Variants in TENM1 observed in about 807,000 individuals in gnomAD.
TENM1 encodes the protein teneurin transmembrane protein 1, also known as teneurin-1.
In TENM1, 35 loss-of-function variants were observed where a neutral mutation model predicts 174.8. The ratio of observed to expected loss-of-function variants is 0.20; its 90% CI spans 0.15 to 0.27. TENM1 has a LOEUF of 0.27. Ranked by LOEUF, TENM1 falls within the 10% of genes least tolerant of loss-of-function variation. TENM1 has a pLI of 1.00. For synonymous variants in TENM1, 781 were observed against 798.7 expected (o/e 0.98, Z 0.37); for missense variants, 1,633 against 2,130.1 (o/e 0.77, Z 4.59).
At chrX:124,956,058 G>C (rs1390599143) in intron 1 of TENM1, among the ~76,000 whole-genome samples, 1 of 111,617 alleles carries the variant, frequency 9.0e-6, no homozygotes, top group Non-Finnish European at 1.9e-5. Context: ...TTAAATAACA[G>C]AATCCATTTA....
At chrX:124,835,544 A>C (rs1490577286) in intron 3 of TENM1, among the ~76,000 whole-genome samples, 2 of 111,787 alleles carry the variant, frequency 1.8e-5, no homozygotes, top group Non-Finnish European at 3.8e-5. Context: ...GTTAAAATAC[A>C]TTTCTGCTCT....
the TENM1 span, among the ~76,000 whole-genome samples, chrX:125,141,528 T>C: frequency 3.6e-5 from 4 of 111,481 alleles, no homozygotes; most frequent in Non-Finnish European, 7.5e-5. Context: ...TTTCATTTCT[T>C]AAAACCAACA....
the TENM1 span, among the ~76,000 whole-genome samples, chrX:125,029,889 T>C: frequency 2.7e-5 from 3 of 111,755 alleles, no homozygotes. Context: ...AGCTACCAAG[T>C]AGGGAAACTT....
intron 11 of TENM1, among the ~76,000 whole-genome samples, chrX:124,638,068 T>C (rs2050922183): frequency 8.9e-6 from 1 of 112,061 alleles, no homozygotes; most frequent in African/African-American, 3.3e-5. Context: ...TAATATTCTA[T>C]AGGGCTATCA....
At chrX:124,681,779 T>A (rs1602988173) in intron 5 of TENM1, among the ~76,000 whole-genome samples, 1 of 111,942 alleles carries the variant, frequency 8.9e-6, no homozygotes, top group East Asian at 2.8e-4. Flanking sequence ...TGCATAAGGT[T>A]GTTGTGAACA....
At chrX:124,908,581 G>A (rs1242865684) in intron 1 of TENM1, among the ~76,000 whole-genome samples, 2 of 111,012 alleles carry the variant, frequency 1.8e-5, no homozygotes, top group Non-Finnish European at 3.8e-5. Context: ...TCACTGATGG[G>A]CATTTGGGTT....
intron 1 of TENM1, among the ~76,000 whole-genome samples, chrX:124,929,768 G>T (rs1399103501): frequency 9.0e-6 from 1 of 111,717 alleles, no homozygotes; most frequent in Non-Finnish European, 1.9e-5. Flanking sequence ...AATTACTATG[G>T]ATTACAAATT....
chrX:124,859,462 T>G (rs2056872037), intron 3 of TENM1, among the ~76,000 whole-genome samples: 2 of 106,275 alleles, frequency 1.9e-5, no homozygotes, highest in African/African-American at 6.9e-5. Flanking sequence ...GAGAATCACT[T>G]GAACCTGGGT....
the TENM1 span, among the ~76,000 whole-genome samples, chrX:124,988,478 C>A: frequency 2.0e-4 from 22 of 111,823 alleles, no homozygotes; most frequent in African/African-American, 7.1e-4. Flanking sequence ...CTGGTCAATT[C>A]TATCAGACAT....
chrX:125,157,269 A>G, the TENM1 span, among the ~76,000 whole-genome samples: 3 of 112,270 alleles, frequency 2.7e-5, no homozygotes, highest in Admixed American at 2.8e-4. Flanking sequence ...ATAGTCATAC[A>G]TGTAGACATA....
chrX:124,931,517 G>A (rs755036461), intron 1 of TENM1, among the ~76,000 whole-genome samples: 1 of 110,982 alleles, frequency 9.0e-6, no homozygotes, highest in African/African-American at 3.3e-5. Context: ...AGCAGAAAAC[G>A]CCCAAGAAAA....
the TENM1 span, among the ~76,000 whole-genome samples, chrX:125,114,623 A>G: frequency 1.8e-5 from 2 of 111,380 alleles, no homozygotes; most frequent in Non-Finnish European, 3.8e-5. Flanking sequence ...TACACAAAAA[A>G]AAACTAGAAA....
chrX:125,139,855 C>G, the TENM1 span, among the ~76,000 whole-genome samples: 3 of 48,634 alleles, frequency 6.2e-5, no homozygotes, highest in African/African-American at 2.6e-4. Flanking sequence ...CACACACACA[C>G]ACGGAGAGAG....
At chrX:124,904,513 C>T (rs2057714756) in intron 1 of TENM1, among the ~76,000 whole-genome samples, 1 of 112,366 alleles carries the variant, frequency 8.9e-6, no homozygotes, top group Non-Finnish European at 1.9e-5. Flanking sequence ...ACAATGCCTA[C>T]CAATGCAAAT....
At chrX:124,466,755 T>C (rs1342135329) in intron 22 of TENM1, among the ~76,000 whole-genome samples, 4 of 111,523 alleles carry the variant, frequency 3.6e-5, no homozygotes, top group African/African-American at 1.3e-4. Flanking sequence ...TCCCCAGTTT[T>C]ACTACTCTGG....
chrX:124,466,610 T>G (rs1166587403), intron 22 of TENM1, among the ~76,000 whole-genome samples: 1 of 112,101 alleles, frequency 8.9e-6, no homozygotes, highest in African/African-American at 3.2e-5. Flanking sequence ...CCAGCATTCG[T>G]AAGAAAAGTA....
intron 8 of TENM1, among the ~76,000 whole-genome samples, chrX:124,647,971 A>G (rs921805091): frequency 2.7e-5 from 3 of 111,724 alleles, no homozygotes; most frequent in Admixed American, 9.5e-5. Flanking sequence ...GGTGGTCCTG[A>G]TATCTTCCAC....
At chrX:124,989,402 G>A in the TENM1 span, among the ~76,000 whole-genome samples, 1 of 111,299 alleles carries the variant, frequency 9.0e-6, no homozygotes, top group Non-Finnish European at 1.9e-5. Flanking sequence ...TAGTTAAATG[G>A]ACAAATACAC....
intron 3 of TENM1, among the ~76,000 whole-genome samples, chrX:124,873,851 CATAA>C (rs2057152179): frequency 9.0e-6 from 1 of 111,466 alleles, no homozygotes. Flanking sequence ...AATAAAATAT[CATAA>C]ATAAATACAT....
Sources: allele counts gnomAD v4.1 joint callset (sites outside exome capture counted in the v4.1 genomes callset), GRCh38; gene constraint gnomAD v4.1.1; transcripts MANE v1.5; gene names NCBI Gene and HGNC (gene_info 2026-07-23, HGNC 2026-07-21).